Variants in PTPRD observed in about 807,000 individuals in gnomAD.
The protein encoded by PTPRD is protein tyrosine phosphatase receptor type D.
Under a neutral mutation model 214.5 loss-of-function variants are expected in PTPRD, and 34 were observed. The observed-to-expected ratio is 0.16, with a 90% CI of 0.12 to 0.21. The LOEUF is 0.21. Ranked by LOEUF, PTPRD falls within the 10% of genes least tolerant of loss-of-function variation. The probability of loss-of-function intolerance (pLI) is 1.00; values close to 1 mark genes in which losing one functional copy is unlikely to be tolerated. For synonymous variants in PTPRD, 1,128 were observed against 845.7 expected (o/e 1.33, Z -5.79); for missense variants, 2,545 against 2,398.7 (o/e 1.06, Z -1.27).
intron 2 of PTPRD, among the ~76,000 whole-genome samples, chr9:10,467,892 GA>G (rs912937763): frequency 7.6e-4 from 115 of 151,046 alleles, no homozygotes; most frequent in African/African-American, 2.4e-3. Context: ...GCTAACATAT[GA>G]AAAAAAAATC....
intron 9 of PTPRD, among the ~76,000 whole-genome samples, chr9:9,187,780 A>ATT (rs5896309): frequency 1.1e-3 from 158 of 149,236 alleles, no homozygotes; most frequent in African/African-American, 3.6e-3. Flanking sequence ...GAATAAGAGG[A>ATT]TTTTTTTTTT....
intron 39 of PTPRD, among the ~76,000 whole-genome samples, chr9:8,372,004 G>A (rs2081686082): frequency 6.6e-6 from 1 of 151,966 alleles, no homozygotes; most frequent in Admixed American, 6.6e-5. Context: ...AAGGACAATG[G>A]CATTAAGTTC....
intron 3 of PTPRD, among the ~76,000 whole-genome samples, chr9:10,160,224 C>G (rs922220026): frequency 2.0e-5 from 3 of 152,000 alleles, no homozygotes; most frequent in African/African-American, 7.2e-5. Context: ...CTATTACAAA[C>G]AGGTATACAC....
rs150145811 is a variant in PTPRD at position 8,716,015 on chromosome 9, T to A, written c.64+17765A>T. ...GGCTGAACTACTGTTCACCTGCTCT[T>A]TAGCCTTAACAGGTCTGTGGCTTCA... On this transcript the variant is annotated intron_variant, in intron 12 of 45. Transcript: ENST00000381196. Among the ~76,000 whole-genome samples the A allele has an allele frequency of 4.4e-3, 668 of 152,366 alleles. 6 individuals carry two copies. The highest frequency in any genetic ancestry group is 0.016 in the African/African-American group (651 of 41,594).
chr9:10,272,555 T>C (rs914171594), intron 3 of PTPRD, among the ~76,000 whole-genome samples: 1 of 152,152 alleles, frequency 6.6e-6, no homozygotes, highest in Non-Finnish European at 1.5e-5. Context: ...TAATTTTCAT[T>C]CCCTTAATAG....
intron 4 of PTPRD, among the ~76,000 whole-genome samples, chr9:10,010,082 C>A (rs2096565201): frequency 6.6e-6 from 1 of 151,832 alleles, no homozygotes; most frequent in Non-Finnish European, 1.5e-5. Flanking sequence ...TTGATTTACA[C>A]ATTTAATCTT....
rs866108955 is a variant in PTPRD at position 9,716,408 on chromosome 9, A to C, written c.-287+18125T>G. Among the ~76,000 whole-genome samples the C allele has an allele frequency of 4.4e-3, 669 of 152,002 alleles. 3 individuals carry two copies. Among genetic ancestry groups the C allele is most frequent in the African/African-American group, 0.016 (648 of 41,394 alleles). The stretch of plus-strand genomic sequence containing the variant: ...TGGGTCAAATGGTATTTCTAGTTCT[A>C]GATCCCTGAGGAATCGCCACACTGA... On this transcript the variant is annotated intron_variant, in intron 7 of 45. Coordinates refer to ENST00000381196, the MANE Select transcript of PTPRD (RefSeq NM_002839.4).
At chr9:9,992,114 C>T (rs1172329968) in intron 4 of PTPRD, among the ~76,000 whole-genome samples, 1 of 152,078 alleles carries the variant, frequency 6.6e-6, no homozygotes, top group East Asian at 1.9e-4. Context: ...ATGGACGAGA[C>T]TGCTAATGGG....
intron 7 of PTPRD, among the ~76,000 whole-genome samples, chr9:9,723,937 A>G (rs913102457): frequency 6.6e-6 from 1 of 152,072 alleles, no homozygotes; most frequent in Non-Finnish European, 1.5e-5. Flanking sequence ...TACATATACA[A>G]TTATGTAATC....
chr9:9,968,435 A>T (rs2094857512), intron 4 of PTPRD, among the ~76,000 whole-genome samples: 1 of 152,240 alleles, frequency 6.6e-6, no homozygotes, highest in Non-Finnish European at 1.5e-5. Context: ...AATAATCAAG[A>T]AAATATATTT....
At chr9:9,412,587 G>C (rs530974793) in intron 8 of PTPRD, among the ~76,000 whole-genome samples, 7 of 152,058 alleles carry the variant, frequency 4.6e-5, no homozygotes, top group African/African-American at 1.7e-4. Flanking sequence ...TCTCATCCCA[G>C]TCACTACGCG....
rs1295094422 is a variant in PTPRD, at chr9:9,747,112, A to T, written c.-325-12541T>A. Among the ~76,000 whole-genome samples the T allele has an allele frequency of 2.0e-5, 3 of 152,280 alleles. No homozygotes were observed. In the East Asian group the frequency reaches 5.8e-4, roughly 29 times the overall value. Reference sequence around the variant, plus strand: ...GAGAAATGTATTGTAGAAATAAAGAAGTTTCTGATGTCCCTAAAAGAATAC... The same window carrying T: ...GAGAAATGTATTGTAGAAATAAAGATGTTTCTGATGTCCCTAAAAGAATAC... On this transcript the variant is annotated intron_variant, in intron 6 of 45. Coordinates refer to ENST00000381196, the MANE Select transcript of PTPRD (RefSeq NM_002839.4).
intron 2 of PTPRD, among the ~76,000 whole-genome samples, chr9:10,355,498 G>C (rs2097260206): frequency 7.1e-6 from 1 of 141,010 alleles, no homozygotes; most frequent in African/African-American, 2.7e-5. Context: ...TTTTTTTTGA[G>C]ACGGAGTCTC....
At chr9:9,090,670 T>G (rs61519553) in intron 10 of PTPRD, among the ~76,000 whole-genome samples, 3,675 of 152,254 alleles carry the variant, frequency 0.024, 77 homozygotes, top group East Asian at 0.064. Flanking sequence ...TCATACAAAC[T>G]TAAAAAACAT....
At chr9:9,295,926 T>G (rs1418317863) in intron 9 of PTPRD, among the ~76,000 whole-genome samples, 1 of 151,790 alleles carries the variant, frequency 6.6e-6, no homozygotes, top group Non-Finnish European at 1.5e-5. Flanking sequence ...CAATTATGAC[T>G]TTACTACTCA....
intron 11 of PTPRD, among the ~76,000 whole-genome samples, chr9:8,868,993 A>G (rs1032836051): frequency 6.6e-6 from 1 of 152,184 alleles, no homozygotes; most frequent in African/African-American, 2.4e-5. Context: ...GTCCAATTAA[A>G]ATAGGAAGCC....
At chr9:8,773,966 C>G (rs2095349361) in intron 11 of PTPRD, among the ~76,000 whole-genome samples, 1 of 152,196 alleles carries the variant, frequency 6.6e-6, no homozygotes, top group Non-Finnish European at 1.5e-5. Flanking sequence ...TTCTCCCTCT[C>G]TCCTGACTCC....
intron 8 of PTPRD, among the ~76,000 whole-genome samples, chr9:9,518,659 G>C (rs1054352789): frequency 6.6e-6 from 1 of 152,036 alleles, no homozygotes; most frequent in East Asian, 1.9e-4. Flanking sequence ...CCTCAGGAAA[G>C]ACATAGTTCT....
Position 9,323,184 on chromosome 9 carries a change from A to G in PTPRD, c.-203+74265T>C, listed in dbSNP as rs1967500662. ...ATTTGAATAAGATTTTCCTAATTAT[A>G]CCATCCAAATCATTACTCTGTATTT... On this transcript the variant is annotated intron_variant, in intron 9 of 45. Transcript: ENST00000381196. Among the ~76,000 whole-genome samples, 2 of 151,914 alleles carry G rather than the reference A, an allele frequency of 1.3e-5. 1 individual carries two copies. Among genetic ancestry groups the G allele is most frequent in the Admixed American group, 1.3e-4 (2 of 15,260 alleles).
Sources: allele counts gnomAD v4.1 joint callset (sites outside exome capture counted in the v4.1 genomes callset), GRCh38; gene constraint gnomAD v4.1.1; transcripts MANE v1.5; gene names NCBI Gene and HGNC (gene_info 2026-07-23, HGNC 2026-07-21).